SIPA1L1: variants seen among roughly 807,000 people sequenced by gnomAD.
SIPA1L1 encodes signal induced proliferation associated 1 like 1.
Under a neutral mutation model 162.7 loss-of-function variants are expected in SIPA1L1, and 26 were observed. The ratio of observed to expected loss-of-function variants is 0.16; its 90% CI spans 0.12 to 0.22. The LOEUF (loss-of-function observed/expected upper bound fraction) is 0.22. SIPA1L1 is among the 10% of genes least tolerant of loss of function. The probability of loss-of-function intolerance (pLI) is 1.00; values close to 1 mark genes in which losing one functional copy is unlikely to be tolerated. For missense variants in SIPA1L1, 1,874 were observed against 2,241.0 expected, an observed-to-expected ratio of 0.84 and a Z score of 3.31; for synonymous variants, 829 against 837.4, an observed-to-expected ratio of 0.99 and a Z score of 0.17.
At chr14:71,558,509 A>G (rs1001889608) in intron 4 of SIPA1L1, among the ~76,000 whole-genome samples, 9 of 151,990 alleles carry the variant, frequency 5.9e-5, no homozygotes, top group Admixed American at 2.6e-4. Context: ...TTAGCTAACC[A>G]CTCTCTCTGT....
intron 20 of SIPA1L1, among the ~76,000 whole-genome samples, chr14:71,731,762 TGTGAG>T (rs1426627987): frequency 2.0e-5 from 3 of 152,338 alleles, no homozygotes; most frequent in African/African-American, 7.2e-5. Flanking sequence ...AGAGGCCCCA[TGTGAG>T]TCCACAATGG....
At chr14:71,330,674 C>A in intron 2 of SIPA1L1, 1 of 878,080 alleles carries the variant, frequency 1.1e-6, no homozygotes, top group Non-Finnish European at 2.0e-6. Context: ...GGTACCCTCT[C>A]ATGAGGAGGA....
chr14:71,575,018 G>A (rs982738636), intron 4 of SIPA1L1: 3 of 152,310 alleles, frequency 2.0e-5, no homozygotes, highest in Admixed American at 6.5e-5. Context: ...CTGTTGACAA[G>A]TTGCCAGAAT....
At chr14:71,696,998 T>C (rs571498233) in intron 13 of SIPA1L1, among the ~76,000 whole-genome samples, 210 of 152,236 alleles carry the variant, frequency 1.4e-3, no homozygotes, top group Non-Finnish European at 2.5e-3. Flanking sequence ...ATGTAGGGTG[T>C]GTGGAGCCAT....
At chr14:71,473,450 C>G (rs371879794) in intron 2 of SIPA1L1, among the ~76,000 whole-genome samples, 5 of 152,124 alleles carry the variant, frequency 3.3e-5, no homozygotes, top group East Asian at 1.9e-4. Flanking sequence ...TCCCCCATCC[C>G]TTTTTACACA....
intron 5 of SIPA1L1, among the ~76,000 whole-genome samples, chr14:71,614,183 A>T (rs908947166): frequency 4.6e-5 from 7 of 150,974 alleles, no homozygotes; most frequent in Admixed American, 4.0e-4. Flanking sequence ...ATGCCACGGC[A>T]CTCCAGTCTG....
At chr14:71,455,565 G>A (rs1197989480) in intron 2 of SIPA1L1, among the ~76,000 whole-genome samples, 1 of 152,086 alleles carries the variant, frequency 6.6e-6, no homozygotes, top group Non-Finnish European at 1.5e-5. Context: ...CTTATTGAAA[G>A]AAGTTTAAGT....
rs531636142 is a variant in SIPA1L1, at chr14:71,736,982, C to T, written c.5124-1259C>T. On this transcript the variant is annotated intron_variant, in intron 22 of 23. Transcript: ENST00000381232. ...TCTGTCCAGCACCGCCCCTTTTCTA[C>T]CACATCCGTGGCCTTCAGCCCACCC... Among the ~76,000 whole-genome samples, 206 of 152,338 alleles carry T rather than the reference C, an allele frequency of 1.4e-3. 2 individuals carry two copies. Among genetic ancestry groups the T allele is most frequent in the Non-Finnish European group, 2.4e-3 (166 of 68,030 alleles).
At chr14:71,572,729 T>G (rs2147048799) in intron 4 of SIPA1L1, among the ~76,000 whole-genome samples, 1 of 152,356 alleles carries the variant, frequency 6.6e-6, no homozygotes, top group South Asian at 2.1e-4. Flanking sequence ...AAGATTTTTT[T>G]GCTTCTTATG....
At chr14:71,658,552 C>T (rs2043255430) in intron 9 of SIPA1L1, 116 bp downstream of exon 9, 3 of 714,882 alleles carry the variant, frequency 4.2e-6, no homozygotes, top group African/African-American at 1.8e-5. Flanking sequence ...GTCACAGCAG[C>T]GGGAAGCTTT....
At chr14:71,703,237 T>A (rs1199769507) in intron 15 of SIPA1L1, among the ~76,000 whole-genome samples, 1 of 152,222 alleles carries the variant, frequency 6.6e-6, no homozygotes. Flanking sequence ...GACTGTTGGA[T>A]TTTTTCCTCC....
At position 71,671,704 on chromosome 14, in the gene SIPA1L1, C is replaced by T. The variant is rs1389160111; in HGVS notation, c.2829+12C>T. The stretch of plus-strand genomic sequence containing the variant: ...TCAAAAGGTTGCAGGTGAGTCTCTC[C>T]TTCCTCTTCCTTACATGCAGTTTCT... On this transcript the variant is annotated intron_variant, in intron 11 of 23. Transcript: ENST00000381232. 4.5e-6 allele frequency: 7 copies of T among 1,549,812 alleles called. No individual in the cohort carries two copies. The highest frequency in any genetic ancestry group is 6.1e-6 in the Non-Finnish European group (7 of 1,149,102).
intron 16 of SIPA1L1, among the ~76,000 whole-genome samples, chr14:71,707,108 C>T (rs971940182): frequency 4.0e-5 from 6 of 151,682 alleles, no homozygotes; most frequent in Non-Finnish European, 8.8e-5. Flanking sequence ...CCTGCTCCTT[C>T]CTCTACCAAA....
intron 13 of SIPA1L1, among the ~76,000 whole-genome samples, chr14:71,687,228 T>A (rs2080936681): frequency 6.6e-6 from 1 of 152,228 alleles, no homozygotes; most frequent in Non-Finnish European, 1.5e-5. Context: ...AATAAAAGTT[T>A]CCTCTCCCAT....
At chr14:71,627,317 T>A (rs2040124514) in intron 7 of SIPA1L1, among the ~76,000 whole-genome samples, 1 of 151,862 alleles carries the variant, frequency 6.6e-6, no homozygotes, top group African/African-American at 2.4e-5. Context: ...TGGCTAATTT[T>A]TGCATATTTA....
chr14:71,359,930 A>G (rs111359555), intron 2 of SIPA1L1, among the ~76,000 whole-genome samples: 2 of 152,216 alleles, frequency 1.3e-5, no homozygotes, highest in African/African-American at 4.8e-5. Context: ...GATTTTTAAC[A>G]TAAGTGGTTT....
At chr14:71,685,961 T>C (rs1387890404) in intron 13 of SIPA1L1, among the ~76,000 whole-genome samples, 1 of 152,206 alleles carries the variant, frequency 6.6e-6, no homozygotes, top group Non-Finnish European at 1.5e-5. Flanking sequence ...ACAGTGACTG[T>C]ATATCATCCT....
intron 2 of SIPA1L1, among the ~76,000 whole-genome samples, chr14:71,325,480 T>A (rs925900726): frequency 6.6e-6 from 1 of 152,200 alleles, no homozygotes; most frequent in Non-Finnish European, 1.5e-5. Flanking sequence ...GTGATTTGGT[T>A]TGTGATCATG....
In SIPA1L1 at chr14:71,672,337, TC is replaced by T; in HGVS notation, c.2830-9del. 1 of 1,613,508 alleles carries T rather than the reference TC, an allele frequency of 6.2e-7. No homozygotes were observed. Among genetic ancestry groups the T allele is most frequent in the Non-Finnish European group, 8.5e-7 (1 of 1,179,440 alleles). ...GCTTTAAACCACAGTATCTTTTATT[TC>T]CTTGTCTAGTTTGTTTCAAAAGGCT... On this transcript the variant is annotated splice_polypyrimidine_tract_variant and intron_variant, in intron 11 of 23. Transcript: ENST00000381232.
Sources: gnomAD v4.1 joint callset for allele counts (sites outside exome capture counted in the v4.1 genomes callset) on GRCh38, gnomAD v4.1.1 for gene constraint, MANE v1.5 for transcripts, NCBI Gene and HGNC (gene_info 2026-07-23, HGNC 2026-07-21) for gene names.